Variants in PPP1R16B observed in about 807,000 individuals in gnomAD.
PPP1R16B encodes the protein protein phosphatase 1 regulatory inhibitor subunit 16B.
In PPP1R16B, 14 loss-of-function variants were observed where a neutral mutation model predicts 61.7. That is an observed-to-expected ratio of 0.23 (90% CI 0.15 to 0.35). The LOEUF (loss-of-function observed/expected upper bound fraction) is 0.35. Among genes scored for constraint, PPP1R16B ranks in the 10% least tolerant of loss-of-function variants. The pLI, the probability that PPP1R16B is intolerant of heterozygous loss-of-function variation, is 1.00. For missense variants in PPP1R16B, 547 were observed against 752.5 expected, an observed-to-expected ratio of 0.73 and a Z score of 3.19; for synonymous variants, 266 against 305.3, an observed-to-expected ratio of 0.87 and a Z score of 1.34.
chr20:38,819,878 A>G (rs1287911279), intron 1 of PPP1R16B, among the ~76,000 whole-genome samples: 2 of 152,158 alleles, frequency 1.3e-5, no homozygotes, highest in Non-Finnish European at 2.9e-5. Flanking sequence ...AACTGAACCT[A>G]TCTATTTAAC....
In PPP1R16B at chr20:38,889,598, G is replaced by A. The variant is rs774942877; in HGVS notation, c.254G>A (p.Arg85His). The stretch of plus-strand genomic sequence containing the variant: ...CTCCTGTACCCTCCTATTGCAGTAC[G>A]CTACTTCCTGAAGAATAAGGTCAGC... Reference protein sequence around the residue: ...ASLRNDAEEVRYFLKNKVSPD... With the variant: ...ASLRNDAEEVHYFLKNKVSPD... The change falls in exon 3 of 11, where the codon CGC (arginine) becomes CAC (histidine). Residue 85 changes from arginine (R) to histidine (H), a missense_variant. Physicochemically the swap from Arg to His is conservative, Grantham distance 29. Transcript: ENST00000299824. 5.1e-6 allele frequency: 8 copies of A among 1,581,510 alleles called. No homozygotes were observed. The highest frequency in any genetic ancestry group is 1.1e-5 in the South Asian group (1 of 90,386).
Position 38,922,346 on chromosome 20 carries a change from T to C in PPP1R16B, c.*3680T>C, listed in dbSNP as rs2085606095. ...TGAGCTCTCTCACCTACCTGCTCTC[T>C]CTCCTAGAGCAGGATACTGGGGTAC... On this transcript the variant is annotated 3_prime_UTR_variant, in exon 11 of 11. Coordinates refer to ENST00000299824, the MANE Select transcript of PPP1R16B (RefSeq NM_015568.4). 1 of 152,658 alleles carries C rather than the reference T, an allele frequency of 6.6e-6. No homozygotes were observed. The highest frequency in any genetic ancestry group is 2.1e-4 in the South Asian group (1 of 4,832). The allele number at this position is 152,658 out of a possible 1,614,324, so 9.5% of individuals were successfully genotyped here. A position where few individuals can be genotyped will look rare whatever the true frequency, so the allele number is the denominator to read the frequency against.
At chr20:38,821,269 C>T (rs752964287) in intron 1 of PPP1R16B, among the ~76,000 whole-genome samples, 3 of 152,154 alleles carry the variant, frequency 2.0e-5, no homozygotes, top group African/African-American at 4.8e-5. Context: ...GTAGAACTGA[C>T]CTGGCTATCA....
intron 1 of PPP1R16B, among the ~76,000 whole-genome samples, chr20:38,813,782 T>C (rs1488281762): frequency 0.011 from 1,656 of 146,338 alleles, 36 homozygotes; most frequent in African/African-American, 0.039. Context: ...TTATTATTAT[T>C]ATTATTATTA....
chr20:38,896,878 A>G (rs564568821), intron 4 of PPP1R16B, among the ~76,000 whole-genome samples: 2 of 152,142 alleles, frequency 1.3e-5, no homozygotes, highest in Non-Finnish European at 2.9e-5. Context: ...CGGGCACGGT[A>G]GCTCACGCCT....
chr20:38,875,107 A>T (rs199662989), intron 2 of PPP1R16B, among the ~76,000 whole-genome samples: 6 of 152,096 alleles, frequency 3.9e-5, no homozygotes, highest in African/African-American at 1.2e-4. Context: ...ATTTTTGTCT[A>T]TTGCTGGGAG....
In PPP1R16B at chr20:38,906,984, G is replaced by C. The variant is rs760522412; in HGVS notation, c.828G>C (p.Gln276His). 2.5e-6 allele frequency: 4 copies of C among 1,613,870 alleles called. No individual in the cohort carries two copies. Among genetic ancestry groups the C allele is most frequent in the Non-Finnish European group, 3.4e-6 (4 of 1,179,752 alleles). Reference protein sequence around the residue: ...LHAAAFWGQMQMAELLVSHGA... With the variant: ...LHAAAFWGQMHMAELLVSHGA... ...AGCTTCTTCCTGTGTTTCAGATGCAGATGGCAGAGCTATTGGTGTCCCATG... is the reference window on the plus strand; with the variant it reads ...AGCTTCTTCCTGTGTTTCAGATGCACATGGCAGAGCTATTGGTGTCCCATG... The change falls in exon 8 of 11, where the codon CAG (glutamine) becomes CAC (histidine). Residue 276 changes from glutamine to histidine, a missense_variant. Physicochemically the swap from Gln to His is conservative, Grantham distance 24. Coordinates refer to ENST00000299824, the MANE Select transcript of PPP1R16B (RefSeq NM_015568.4).
chr20:38,878,807 C>T lies in PPP1R16B; in HGVS notation c.251-10788C>T, dbSNP rs560184069. On this transcript the variant is annotated intron_variant, in intron 2 of 10. Transcript: ENST00000299824. Reference sequence around the variant, plus strand: ...ATGCATGTATCTCCTACCTGCAGGGCTGGAAATATTTTTATCTATTACTTG... The same window carrying T: ...ATGCATGTATCTCCTACCTGCAGGGTTGGAAATATTTTTATCTATTACTTG... Among the ~76,000 whole-genome samples, 5 of 152,252 alleles carry T rather than the reference C, an allele frequency of 3.3e-5. No individual in the cohort carries two copies. In the East Asian group the frequency reaches 7.7e-4, roughly 23 times the overall value.
chr20:38,826,187 G>A (rs1202810417), intron 1 of PPP1R16B, among the ~76,000 whole-genome samples: 1 of 152,010 alleles, frequency 6.6e-6, no homozygotes, highest in Non-Finnish European at 1.5e-5. Flanking sequence ...AGCTGCAAAG[G>A]GAGTTTTTAT....
intron 3 of PPP1R16B, among the ~76,000 whole-genome samples, chr20:38,890,091 G>A (rs2085281514): frequency 6.6e-6 from 1 of 152,196 alleles, no homozygotes. Flanking sequence ...TGAGCCATGT[G>A]CTATCATGAC....
At position 38,836,100 on chromosome 20, in the gene PPP1R16B, G is replaced by A. The variant is rs1329227044; in HGVS notation, c.175G>A (p.Gly59Ser). 4.3e-6 allele frequency: 7 copies of A among 1,612,086 alleles called. No homozygotes were observed. The South Asian group carries it at 4.4e-5, about 10-fold the overall frequency. ...RKHERKRSTG[G>S]RRKKVSFEAS... is the part of the protein sequence containing the mutation. ...GCATGAGCGGAAGCGCAGCACGGGCGGCCGCCGCAAGAAAGTGTCCTTCGA... is the reference window on the plus strand; with the variant it reads ...GCATGAGCGGAAGCGCAGCACGGGCAGCCGCCGCAAGAAAGTGTCCTTCGA... Residue 59 changes from glycine to serine, a missense_variant, in exon 2 of 11, where the codon GGC becomes AGC. Coordinates refer to ENST00000299824, the MANE Select transcript of PPP1R16B (RefSeq NM_015568.4).
chr20:38,828,826 G>A (rs755716342), intron 1 of PPP1R16B, among the ~76,000 whole-genome samples: 1 of 152,204 alleles, frequency 6.6e-6, no homozygotes, highest in African/African-American at 2.4e-5. Flanking sequence ...CCAAACCAGT[G>A]CCTCTGTAGT....
At position 38,839,901 on chromosome 20, in the gene PPP1R16B, G is replaced by A. The variant is rs184907616; in HGVS notation, c.250+3726G>A. On this transcript the variant is annotated intron_variant, in intron 2 of 10. Transcript: ENST00000299824. ...TTATTTCCATGTGCAAATGTTTATC[G>A]AGGACAGATGTGATGAAATGAAAGA... 2.9e-4 allele frequency among the ~76,000 whole-genome samples: 44 copies of A among 152,294 alleles called. No homozygotes were observed. In the East Asian group the frequency reaches 6.9e-3, roughly 24 times the overall value.
chr20:38,878,951 G>A (rs1463081990), intron 2 of PPP1R16B, among the ~76,000 whole-genome samples: 1 of 152,212 alleles, frequency 6.6e-6, no homozygotes. Context: ...GGCATTCAGG[G>A]CATCTGGGGA....
chr20:38,908,117 C>T lies in PPP1R16B; in HGVS notation c.1118C>T (p.Ala373Val), dbSNP rs1568684735. Residue 373 changes from alanine to valine, a missense_variant, in exon 10 of 11, where the codon GCA becomes GTA. Physicochemically the swap from Ala to Val is moderately conservative, Grantham distance 64 (BLOSUM62 0). Transcript: ENST00000299824. Reference protein sequence around the residue: ...EGEAILWQRSAAEDQRTSTYN... With the variant: ...EGEAILWQRSVAEDQRTSTYN... ...GAGGCCATCCTGTGGCAGCGGAGTG[C>T]AGCTGAGGATCAGCGGACCTCCACC... The T allele has an allele frequency of 6.2e-7, 1 of 1,614,236 alleles. No homozygotes were observed. The highest frequency in any genetic ancestry group is 1.3e-5 in the African/African-American group (1 of 75,056).
chr20:38,865,089 G>C (rs923972801), intron 2 of PPP1R16B, among the ~76,000 whole-genome samples: 1 of 152,132 alleles, frequency 6.6e-6, no homozygotes, highest in African/African-American at 2.4e-5. Context: ...TTCTGGTTTG[G>C]AGTATGAGGC....
At chr20:38,868,913 T>C (rs2085107717) in intron 2 of PPP1R16B, among the ~76,000 whole-genome samples, 1 of 152,210 alleles carries the variant, frequency 6.6e-6, no homozygotes, top group Non-Finnish European at 1.5e-5. Context: ...CATTAAAATA[T>C]CACCTGTTTT....
chr20:38,835,821 A>G lies in PPP1R16B; in HGVS notation c.-101-4A>G, dbSNP rs1397697747. 3 of 1,325,834 alleles carry G rather than the reference A, an allele frequency of 2.3e-6. No individual in the cohort carries two copies. The highest frequency in any genetic ancestry group is 2.0e-6 in the Non-Finnish European group (2 of 999,316). The allele number at this position is 1,325,834 out of a possible 1,614,324, so 82.1% of individuals were successfully genotyped here. ...GTTCATCTGTGTCTCCCTCCCTGCC[A>G]CAGGCCACACCATGAGGCCCCAGCC... On this transcript the variant is annotated splice_region_variant and splice_polypyrimidine_tract_variant and intron_variant, in intron 1 of 10. Transcript: ENST00000299824.
intron 2 of PPP1R16B, among the ~76,000 whole-genome samples, chr20:38,885,408 C>T (rs1378349961): frequency 6.6e-6 from 1 of 152,148 alleles, no homozygotes; most frequent in African/African-American, 2.4e-5. Flanking sequence ...GATTGCAGGG[C>T]GTCTGATACA....
Sources: allele counts gnomAD v4.1 joint callset (sites outside exome capture counted in the v4.1 genomes callset), GRCh38; gene constraint gnomAD v4.1.1; transcripts MANE v1.5; gene names NCBI Gene and HGNC (gene_info 2026-07-23, HGNC 2026-07-21).